Variants in ST6GALNAC3 observed in about 807,000 individuals in gnomAD.
ST6GALNAC3 encodes the protein ST6 N-acetylgalactosaminide alpha-2,6-sialyltransferase 3.
A neutral mutation model predicts 32.7 loss-of-function variants in ST6GALNAC3; 25 were observed. That is an observed-to-expected ratio of 0.76 (90% CI 0.56 to 1.07). The LOEUF (loss-of-function observed/expected upper bound fraction) is 1.07. Among genes scored for constraint, ST6GALNAC3 ranks in the 50% least tolerant of loss-of-function variants. The pLI is 0.00. For synonymous variants in ST6GALNAC3, 129 were observed against 133.1 expected (o/e 0.97, Z 0.21); for missense variants, 355 against 382.4 (o/e 0.93, Z 0.60).
At chr1:76,400,254 T>C (rs1442473100) in intron 2 of ST6GALNAC3, among the ~76,000 whole-genome samples, 2 of 152,242 alleles carry the variant, frequency 1.3e-5, no homozygotes, top group African/African-American at 2.4e-5. Flanking sequence ...TTGAATTTCC[T>C]CAAATCCTTT....
chr1:76,206,749 C>T (rs376389006), intron 1 of ST6GALNAC3, among the ~76,000 whole-genome samples: 3 of 151,778 alleles, frequency 2.0e-5, no homozygotes, highest in Admixed American at 6.6e-5. Context: ...AAAATGCTGT[C>T]GTTAGAAAGG....
At position 76,117,726 on chromosome 1, in the gene ST6GALNAC3, A is replaced by G. The variant is rs144177395; in HGVS notation, c.18+42842A>G. Among the ~76,000 whole-genome samples, 656 of 152,304 alleles carry G rather than the reference A, an allele frequency of 4.3e-3. 1 individual carries two copies. Among genetic ancestry groups the G allele is most frequent in the Middle Eastern group, 6.8e-3 (2 of 294 alleles). On this transcript the variant is annotated intron_variant, in intron 1 of 4. Transcript: ENST00000328299. ...AATTCCACACTGTGGTAAGATAATC[A>G]ACTACTCTGATTACCTAGTAACTAA... is the stretch of plus-strand genomic sequence containing the variant.
At chr1:76,415,634 C>G (rs550043757) in intron 3 of ST6GALNAC3, among the ~76,000 whole-genome samples, 30 of 152,138 alleles carry the variant, frequency 2.0e-4, no homozygotes, top group Admixed American at 7.2e-4. Context: ...CCTTAGTAGT[C>G]TTTGATAGCT....
intron 1 of ST6GALNAC3, among the ~76,000 whole-genome samples, chr1:76,137,508 A>T (rs987775861): frequency 6.6e-6 from 1 of 152,244 alleles, no homozygotes. Context: ...AACAAATGCA[A>T]TGAAAGATCA....
intron 3 of ST6GALNAC3, among the ~76,000 whole-genome samples, chr1:76,430,855 A>T (rs1184095159): frequency 6.6e-6 from 1 of 152,146 alleles, no homozygotes; most frequent in Non-Finnish European, 1.5e-5. Context: ...AGATAGTACT[A>T]AAAAGCCTTC....
chr1:76,307,430 CAT>C (rs749656499), intron 1 of ST6GALNAC3, among the ~76,000 whole-genome samples: 21 of 152,100 alleles, frequency 1.4e-4, no homozygotes, highest in Non-Finnish European at 2.6e-4. Flanking sequence ...AGAACTATAA[CAT>C]ATTGATGAGA....
Position 76,507,835 on chromosome 1 carries a change from C to G in ST6GALNAC3, c.623+95418C>G, listed in dbSNP as rs1037729153. Reference sequence around the variant, plus strand: ...GTCATATGAGAATTTTATGTGTAGGCTTTTGTGGAAGTGCTAGACTGTTTT... The same window carrying G: ...GTCATATGAGAATTTTATGTGTAGGGTTTTGTGGAAGTGCTAGACTGTTTT... On this transcript the variant is annotated intron_variant, in intron 3 of 4. Transcript: ENST00000328299. Among the ~76,000 whole-genome samples the G allele has an allele frequency of 2.0e-5, 3 of 152,214 alleles. No individual in the cohort carries two copies. The East Asian group carries it at 5.8e-4, about 29-fold the overall frequency.
intron 2 of ST6GALNAC3, among the ~76,000 whole-genome samples, chr1:76,385,555 A>G (rs373550362): frequency 6.6e-6 from 1 of 152,266 alleles, no homozygotes; most frequent in East Asian, 1.9e-4. Flanking sequence ...AATTAAAAGA[A>G]TCAATATAAT....
intron 1 of ST6GALNAC3, among the ~76,000 whole-genome samples, chr1:76,200,943 A>G (rs1654481765): frequency 6.6e-6 from 1 of 152,142 alleles, no homozygotes; most frequent in African/African-American, 2.4e-5. Flanking sequence ...TGGGAGGAAG[A>G]CTGCTCTAAA....
intron 3 of ST6GALNAC3, among the ~76,000 whole-genome samples, chr1:76,506,201 C>T (rs192418059): frequency 4.2e-3 from 641 of 152,210 alleles, no homozygotes; most frequent in Non-Finnish European, 6.9e-3. Context: ...CTGATGTCTA[C>T]GTGGTGCAGG....
chr1:76,232,329 A>C (rs1308503183), intron 1 of ST6GALNAC3, among the ~76,000 whole-genome samples: 1 of 152,178 alleles, frequency 6.6e-6, no homozygotes, highest in African/African-American at 2.4e-5. Flanking sequence ...AGCTAGGCTT[A>C]CCCTGGTGGT....
chr1:76,288,600 C>T (rs1344689985), intron 1 of ST6GALNAC3, among the ~76,000 whole-genome samples: 1 of 152,166 alleles, frequency 6.6e-6, no homozygotes, highest in Non-Finnish European at 1.5e-5. Flanking sequence ...TGTGGAAGCT[C>T]AGATGAGGAA....
intron 3 of ST6GALNAC3, among the ~76,000 whole-genome samples, chr1:76,524,789 G>T (rs1662762783): frequency 6.7e-6 from 1 of 149,442 alleles, no homozygotes. Context: ...AAAACAATTT[G>T]CATCTAGCTT....
At chr1:76,208,532 A>T (rs1048718501) in intron 1 of ST6GALNAC3, among the ~76,000 whole-genome samples, 3 of 152,180 alleles carry the variant, frequency 2.0e-5, no homozygotes, top group Admixed American at 1.3e-4. Flanking sequence ...GCTTATCTGG[A>T]TGAAATCTGA....
chr1:76,327,721 C>A (rs1647105191), intron 2 of ST6GALNAC3, among the ~76,000 whole-genome samples: 1 of 152,142 alleles, frequency 6.6e-6, no homozygotes, highest in African/African-American at 2.4e-5. Context: ...TCCTAAGTAG[C>A]TGGGATTACA....
intron 3 of ST6GALNAC3, among the ~76,000 whole-genome samples, chr1:76,425,973 TATG>T (rs1655350471): frequency 6.6e-6 from 1 of 151,892 alleles, no homozygotes; most frequent in Non-Finnish European, 1.5e-5. Context: ...AAGTAAAGTT[TATG>T]ATAATATAGA....
chr1:76,533,960 T>C (rs1398728218), intron 3 of ST6GALNAC3, among the ~76,000 whole-genome samples: 1 of 152,196 alleles, frequency 6.6e-6, no homozygotes. Flanking sequence ...AAAAAATTAT[T>C]GTCATACGTA....
chr1:76,211,791 G>T (rs573713313), intron 1 of ST6GALNAC3, among the ~76,000 whole-genome samples: 4 of 151,738 alleles, frequency 2.6e-5, no homozygotes, highest in African/African-American at 7.2e-5. Flanking sequence ...GTTGTGGGGT[G>T]GGGGGAGCGG....
At chr1:76,619,473 T>A (rs756976238) in intron 3 of ST6GALNAC3, among the ~76,000 whole-genome samples, 27 of 152,252 alleles carry the variant, frequency 1.8e-4, no homozygotes, top group Admixed American at 1.4e-3. Context: ...CATACATTTT[T>A]AATTGTTTTA....
Sources: allele counts gnomAD v4.1 joint callset (sites outside exome capture counted in the v4.1 genomes callset), GRCh38; gene constraint gnomAD v4.1.1; transcripts MANE v1.5; gene names NCBI Gene and HGNC (gene_info 2026-07-23, HGNC 2026-07-21).